Variants in ADAM12 observed in about 807,000 individuals in gnomAD.
The protein encoded by ADAM12 is ADAM metallopeptidase domain 12.
Under a neutral mutation model 106.4 loss-of-function variants are expected in ADAM12, and 70 were observed. The observed-to-expected ratio is 0.66, with a 90% CI of 0.54 to 0.80. The LOEUF is 0.80. Among genes scored for constraint, ADAM12 ranks in the 30% least tolerant of loss-of-function variants. The probability of loss-of-function intolerance (pLI) is 0.00; values close to 1 mark genes in which losing one functional copy is unlikely to be tolerated. For synonymous variants in ADAM12, 420 were observed against 433.5 expected, an observed-to-expected ratio of 0.97 and a Z score of 0.39; for missense variants, 1,010 against 1,171.9, an observed-to-expected ratio of 0.86 and a Z score of 2.02.
chr10:126,029,746 AAAAG>A (rs1953941827), intron 21 of ADAM12, among the ~76,000 whole-genome samples: 1 of 152,238 alleles, frequency 6.6e-6, no homozygotes, highest in African/African-American at 2.4e-5. Context: ...CAGTTCATGA[AAAAG>A]AAAATCTTAA....
At chr10:126,175,045 C>T (rs982130395) in intron 3 of ADAM12, among the ~76,000 whole-genome samples, 2 of 152,146 alleles carry the variant, frequency 1.3e-5, no homozygotes, top group East Asian at 1.9e-4. Flanking sequence ...CATGAGCCAC[C>T]GCGCCCGGCC....
At chr10:126,199,429 C>T (rs187796952) in intron 3 of ADAM12, among the ~76,000 whole-genome samples, 161 of 152,292 alleles carry the variant, frequency 1.1e-3, no homozygotes, top group African/African-American at 3.6e-3. Flanking sequence ...CCAATTTCAA[C>T]GACTACCCAT....
intron 2 of ADAM12, among the ~76,000 whole-genome samples, chr10:126,329,787 C>A (rs1340319703): frequency 2.0e-5 from 3 of 152,114 alleles, no homozygotes; most frequent in African/African-American, 7.2e-5. Context: ...AAGGACCAAG[C>A]CATCTGTATG....
chr10:126,295,599 A>G (rs1476983411), intron 2 of ADAM12, among the ~76,000 whole-genome samples: 1 of 149,726 alleles, frequency 6.7e-6, no homozygotes. Flanking sequence ...GAAGTGAGAA[A>G]AAGAATCACT....
intron 11 of ADAM12, among the ~76,000 whole-genome samples, chr10:126,086,174 C>A (rs1955336699): frequency 6.6e-6 from 1 of 152,160 alleles, no homozygotes; most frequent in Admixed American, 6.5e-5. Flanking sequence ...AAAAATGGGG[C>A]TACCTCCCAC....
At chr10:126,138,817 C>CTTTTTTTTTTTTT (rs71486579) in intron 4 of ADAM12, among the ~76,000 whole-genome samples, 1 of 127,944 alleles carries the variant, frequency 7.8e-6, no homozygotes, top group Non-Finnish European at 1.5e-5. Context: ...CTACACATAT[C>CTTTTTTTTTTTTT]TTTTTCTTTT....
chr10:126,341,033 G>A (rs548094290), intron 1 of ADAM12, among the ~76,000 whole-genome samples: 2 of 152,178 alleles, frequency 1.3e-5, no homozygotes, highest in African/African-American at 4.8e-5. Flanking sequence ...TGCATTTGCT[G>A]TGCCCTCTGC....
chr10:126,199,436 C>A (rs1223572345), intron 3 of ADAM12, among the ~76,000 whole-genome samples: 1 of 152,154 alleles, frequency 6.6e-6, no homozygotes, highest in Non-Finnish European at 1.5e-5. Flanking sequence ...CAACGACTAC[C>A]CATGACTCAG....
intron 3 of ADAM12, among the ~76,000 whole-genome samples, chr10:126,245,758 A>G (rs1958616739): frequency 6.6e-6 from 1 of 152,206 alleles, no homozygotes; most frequent in Admixed American, 6.5e-5. Flanking sequence ...GCAGCGTCAG[A>G]TGACAAGGAG....
rs1372368284 is a variant in ADAM12, at chr10:126,046,197, T to A, written c.1918-65A>T. The A allele has an allele frequency of 2.8e-6, 4 of 1,420,170 alleles. No homozygotes were observed. The African/African-American group carries it at 5.6e-5, about 20-fold the overall frequency. The allele number at this position is 1,420,170 out of a possible 1,614,324, so 88.0% of individuals were successfully genotyped here. A position where few individuals can be genotyped will look rare whatever the true frequency, so the allele number is the denominator to read the frequency against. Reference sequence around the variant, plus strand: ...CTCCAACCCCTCCAGCATGCATACATACCTGTATTCAAACAAAAAGCAAGC... The same window carrying A: ...CTCCAACCCCTCCAGCATGCATACAAACCTGTATTCAAACAAAAAGCAAGC... On this transcript the variant is annotated intron_variant, in intron 16 of 22. Coordinates refer to ENST00000448723, the MANE Select transcript of ADAM12 (RefSeq NM_001288973.2).
At chr10:126,384,146 G>A (rs529341518) in intron 1 of ADAM12, among the ~76,000 whole-genome samples, 20 of 152,216 alleles carry the variant, frequency 1.3e-4, no homozygotes, top group Non-Finnish European at 2.2e-4. Context: ...TCTACGTATC[G>A]CAGATAGAAA....
chr10:126,275,242 C>T (rs1959214665), intron 3 of ADAM12, among the ~76,000 whole-genome samples: 1 of 152,116 alleles, frequency 6.6e-6, no homozygotes, highest in Admixed American at 6.5e-5. Context: ...ATCAAAGATA[C>T]AATTTCACAG....
chr10:126,375,019 TAAC>T (rs1856233410), intron 1 of ADAM12, among the ~76,000 whole-genome samples: 2 of 152,016 alleles, frequency 1.3e-5, no homozygotes, highest in Non-Finnish European at 1.5e-5. Context: ...AAAGACTCCT[TAAC>T]AACAACAGGA....
At chr10:126,336,411 T>C (rs1854701202) in intron 1 of ADAM12, among the ~76,000 whole-genome samples, 1 of 152,312 alleles carries the variant, frequency 6.6e-6, no homozygotes, top group Admixed American at 6.5e-5. Flanking sequence ...AGATGGCATG[T>C]TTGCCATTCA....
chr10:126,168,781 C>T (rs572018994), intron 3 of ADAM12, among the ~76,000 whole-genome samples: 12 of 144,120 alleles, frequency 8.3e-5, no homozygotes, highest in Non-Finnish European at 1.6e-4. Flanking sequence ...CGGCCAGGCG[C>T]GGTGGCTCAC....
At position 126,108,780 on chromosome 10, in the gene ADAM12, C is replaced by G. The variant is rs1047477399; in HGVS notation, c.670-116G>C. On this transcript the variant is annotated intron_variant, in intron 7 of 22. Coordinates refer to ENST00000448723, the MANE Select transcript of ADAM12 (RefSeq NM_001288973.2). ...TTTACAAACCACTGGGGACCCTCCA[C>G]AGTTCACGGTAAAATGAGCTTGCAT... is the stretch of plus-strand genomic sequence containing the variant. 5 of 887,562 alleles carry G rather than the reference C, an allele frequency of 5.6e-6. No homozygotes were observed. The South Asian group carries it at 6.1e-5, about 11-fold the overall frequency. The allele number at this position is 887,562 out of a possible 1,614,324, so 55.0% of individuals were successfully genotyped here. A position where few individuals can be genotyped will look rare whatever the true frequency, so the allele number is the denominator to read the frequency against.
At chr10:126,227,059 T>C (rs1958210273) in intron 3 of ADAM12, among the ~76,000 whole-genome samples, 1 of 152,094 alleles carries the variant, frequency 6.6e-6, no homozygotes, top group Non-Finnish European at 1.5e-5. Context: ...CCACCATCAC[T>C]ATCATCAATA....
At position 126,188,009 on chromosome 10, in the gene ADAM12, A is replaced by G. The variant is rs147231330; in HGVS notation, c.261-32704T>C. The stretch of plus-strand genomic sequence containing the variant: ...AATCAGACACCTAAGGGATCTGCAA[A>G]GAGGAAGTGCAGGTTCCCAGGAGAG... On this transcript the variant is annotated intron_variant, in intron 3 of 22. Coordinates refer to ENST00000448723, the MANE Select transcript of ADAM12 (RefSeq NM_001288973.2). Among the ~76,000 whole-genome samples, 731 of 152,312 alleles carry G rather than the reference A, an allele frequency of 4.8e-3. 3 individuals carry two copies. Among genetic ancestry groups the G allele is most frequent in the Non-Finnish European group, 8.7e-3 (594 of 68,024 alleles).
chr10:126,169,329 C>T (rs1299755512), intron 3 of ADAM12, among the ~76,000 whole-genome samples: 2 of 152,214 alleles, frequency 1.3e-5, no homozygotes, highest in African/African-American at 2.4e-5. Context: ...AGGTTCTGCC[C>T]TGTTCCTTGA....
Sources: gnomAD v4.1 joint callset for allele counts (sites outside exome capture counted in the v4.1 genomes callset) on GRCh38, gnomAD v4.1.1 for gene constraint, MANE v1.5 for transcripts, NCBI Gene and HGNC (gene_info 2026-07-23, HGNC 2026-07-21) for gene names.